Variants in SGCA observed in about 807,000 individuals in gnomAD.
The protein encoded by SGCA is sarcoglycan alpha, also known as alpha-sarcoglycan.
In SGCA, 34 loss-of-function variants were observed where a neutral mutation model predicts 38.1. The ratio of observed to expected loss-of-function variants is 0.89; its 90% CI spans 0.68 to 1.19. SGCA has a LOEUF of 1.19. Among genes scored for constraint, SGCA ranks in the 50% most tolerant of loss-of-function variants. SGCA has a pLI of 0.00. For missense variants in SGCA, 476 were observed against 524.9 expected (o/e 0.91, Z 0.91); for synonymous variants, 209 against 214.6 (o/e 0.97, Z 0.23).
rs569873415 is a variant in SGCA, at chr17:50,170,905, A to AT, written c.983+239_983+240insT. Among the ~76,000 whole-genome samples the AT allele has an allele frequency of 2.3e-4, 35 of 151,996 alleles. No homozygotes were observed. The South Asian group carries it at 4.4e-3, about 19-fold the overall frequency. On this transcript the variant is annotated intron_variant, in intron 8 of 9. Coordinates refer to ENST00000262018, the MANE Select transcript of SGCA (RefSeq NM_000023.4). ...TGAGACCCCATCTCAACAAAAAAAA[A>AT]ATTTTTTAACTAGCCAGGCGTGGTG... is the stretch of plus-strand genomic sequence containing the variant.
rs747404648 is a variant in SGCA, at chr17:50,167,355, G to A, written c.38-13G>A. On this transcript the variant is annotated splice_polypyrimidine_tract_variant and intron_variant, in intron 1 of 9. Coordinates refer to ENST00000262018, the MANE Select transcript of SGCA (RefSeq NM_000023.4). This position sits in a 1 kb window ranked among gnomAD's most constrained non-coding sequence, Gnocchi z 4.5. The stretch of plus-strand genomic sequence containing the variant: ...GCTGGCCTGTGTGTTTGGGACTTGT[G>A]GGGTCCCCACAGTTCTCCTGGCAGG... 1.2e-6 allele frequency: 2 copies of A among 1,614,006 alleles called. No individual in the cohort carries two copies. The highest frequency in any genetic ancestry group is 1.7e-6 in the Non-Finnish European group (2 of 1,179,992).
Position 50,167,947 on chromosome 17 carries a change from G to C in SGCA, c.313G>C (p.Val105Leu). The change falls in exon 4 of 10, where the codon GTC (valine) becomes CTC (leucine). Residue 105 changes from valine to leucine, a missense_variant and splice_region_variant. Val to Leu is a conservative substitution (Grantham distance 32, BLOSUM62 1). Coordinates refer to ENST00000262018, the MANE Select transcript of SGCA (RefSeq NM_000023.4). This position sits in a 1 kb window ranked among gnomAD's most constrained non-coding sequence, Gnocchi z 4.5. ...CTCAGATGTCTTTCCCATCCCCCAGGTCACAGCCTACAATCGGGACAGCTT... is the reference window on the plus strand; with the variant it reads ...CTCAGATGTCTTTCCCATCCCCCAGCTCACAGCCTACAATCGGGACAGCTT... ...PEDRGLQVIE[V>L]TAYNRDSFDT... The C allele has an allele frequency of 1.2e-6, 2 of 1,614,078 alleles. No homozygotes were observed. The highest frequency in any genetic ancestry group is 1.6e-4 in the Middle Eastern group (1 of 6,062).
chr17:50,170,302 C>T lies in SGCA; in HGVS notation c.907C>T (p.Leu303Phe). ...TLLVPLLVAL[L>F]LTLLLAYVMC... ...CCTGGTGCCCCTGCTGGTGGCCCTG[C>T]TTCTCACCTTGCTGCTGGCCTATGT... The change falls in exon 7 of 10, where the codon CTT (leucine) becomes TTT (phenylalanine). Residue 303 changes from leucine to phenylalanine, a missense_variant. Transcript: ENST00000262018. 1.2e-6 allele frequency: 2 copies of T among 1,614,212 alleles called. No individual in the cohort carries two copies. The highest frequency in any genetic ancestry group is 1.7e-6 in the Non-Finnish European group (2 of 1,180,028).
rs1905080179 is a variant in SGCA at position 50,168,097 on chromosome 17, G to C, written c.385+78G>C. The C allele has an allele frequency of 6.6e-6, 9 of 1,372,016 alleles. No individual in the cohort carries two copies. The South Asian group carries it at 1.0e-4, about 16-fold the overall frequency. The allele number at this position is 1,372,016 out of a possible 1,614,324, so 85.0% of individuals were successfully genotyped here. On this transcript the variant is annotated intron_variant, in intron 4 of 9. Transcript: ENST00000262018. ...CTCTCCCGGAGGGGGAGGGGGCTGT[G>C]GACAGGAGAGGCTTGGAGAGGAGTG...
intron 8 of SGCA, among the ~76,000 whole-genome samples, chr17:50,172,617 G>A (rs896510897): frequency 6.6e-5 from 10 of 152,268 alleles, no homozygotes; most frequent in South Asian, 6.2e-4. Flanking sequence ...GAGTAGCTGG[G>A]ACTAAAGCTA....
In SGCA at chr17:50,167,304, G is replaced by A. The variant is rs1476670153; in HGVS notation, c.38-64G>A. 6.2e-7 allele frequency: 1 copy of A among 1,610,440 alleles called. No homozygotes were observed. Among genetic ancestry groups the A allele is most frequent in the Non-Finnish European group, 8.5e-7 (1 of 1,178,306 alleles). On this transcript the variant is annotated intron_variant, in intron 1 of 9. Transcript: ENST00000262018. The surrounding 1 kb of genome is among the most constrained non-coding windows in gnomAD (Gnocchi z 4.5). The stretch of plus-strand genomic sequence containing the variant: ...GGCTCCAAGGACTTGGTGGGGAAGG[G>A]AGCTTATCCCCTGCCCAGGACTGAG...
intron 6 of SGCA, 194 bp downstream of exon 6, chr17:50,169,448 C>CG: frequency 1.7e-6 from 1 of 581,416 alleles, no homozygotes; most frequent in Non-Finnish European, 3.0e-6. Context: ...CACACACACC[C>CG]CTGAAGTTCT....
chr17:50,166,853 C>CT, intron 1 of SGCA, among the ~76,000 whole-genome samples: 1 of 92,632 alleles, frequency 1.1e-5, no homozygotes, highest in African/African-American at 4.4e-5. Flanking sequence ...CACACACACC[C>CT]CCCACACACA....
rs1235150688 is a variant in SGCA at position 50,175,407 on chromosome 17, C to T, written c.1134C>T (p.Ala378=). 7 of 1,613,212 alleles carry T rather than the reference C, an allele frequency of 4.3e-6. No homozygotes were observed. In the South Asian group the frequency reaches 7.7e-5, roughly 18 times the overall value. ...GERLPPRVDS[A]QVPLILDQH is the part of the protein sequence containing the mutation. ...GGCTGCCTCCCCGCGTGGACAGCGC[C>T]CAGGTGCCCCTCATTCTGGACCAGC... The change falls in exon 9 of 10, where the codon GCC becomes GCT. Residue 378 remains alanine (A), a synonymous_variant. Coordinates refer to ENST00000262018, the MANE Select transcript of SGCA (RefSeq NM_000023.4).
At chr17:50,170,417 C>T (rs777298891) in intron 7 of SGCA, 66 bp downstream of exon 7, 25 of 1,496,348 alleles carry the variant, frequency 1.7e-5, no homozygotes, top group African/African-American at 2.8e-5. Context: ...CTCACAGTGG[C>T]ACTTGTGCTG....
At chr17:50,172,675 C>G (rs1321670414) in intron 8 of SGCA, among the ~76,000 whole-genome samples, 1 of 152,192 alleles carries the variant, frequency 6.6e-6, no homozygotes, top group Non-Finnish European at 1.5e-5. Flanking sequence ...TTTGATCCCA[C>G]CATCTTGACC....
At position 50,167,682 on chromosome 17, in the gene SGCA, T is replaced by C; in HGVS notation, c.258T>C (p.Pro86=). The C allele has an allele frequency of 6.2e-7, 1 of 1,613,804 alleles. No homozygotes were observed. Among genetic ancestry groups the C allele is most frequent in the South Asian group, 1.1e-5 (1 of 91,070 alleles). The change falls in exon 3 of 10, where the codon CCT becomes CCC. Residue 86 remains proline (P), a synonymous_variant. Transcript: ENST00000262018. This position sits in a 1 kb window ranked among gnomAD's most constrained non-coding sequence, Gnocchi z 4.5. The part of the protein sequence containing the change: ...LRYTQRSPHH[P]GFLYGSATPE... ...ACACCCAGCGCAGCCCCCACCACCC[T>C]GGCTTCCTCTACGGCTCTGCCACCC...
In SGCA at chr17:50,169,288, G is replaced by A. The variant is rs760590168; in HGVS notation, c.747+34G>A. ...GGACCCTGGGTCCGGGGGTGGGGTG[G>A]GGCATGGCCCCCATCCCAGTCCCCC... On this transcript the variant is annotated intron_variant, in intron 6 of 9. Coordinates refer to ENST00000262018, the MANE Select transcript of SGCA (RefSeq NM_000023.4). 5 of 1,582,988 alleles carry A rather than the reference G, an allele frequency of 3.2e-6. No individual in the cohort carries two copies. In the East Asian group the frequency reaches 9.0e-5, roughly 28 times the overall value.
rs1387869995 is a variant in SGCA at position 50,168,407 on chromosome 17, T to C, written c.419T>C (p.Val140Ala). The C allele has an allele frequency of 6.3e-7, 1 of 1,589,460 alleles. No individual in the cohort carries two copies. Among genetic ancestry groups the C allele is most frequent in the Admixed American group, 1.8e-5 (1 of 56,292 alleles). The change falls in exon 5 of 10, where the codon GTG becomes GCG. Residue 140 changes from valine (V) to alanine (A), a missense_variant. Physicochemically the swap from Val to Ala is moderately conservative, Grantham distance 64. Transcript: ENST00000262018. ...PLLPYQAEFL[V>A]RSHDAEEVLP... ...CTGCCATACCAAGCCGAGTTCCTGG[T>C]GCGCAGCCACGATGCGGAGGAGGTG... is the stretch of plus-strand genomic sequence containing the variant.
At chr17:50,171,090 CAG>C (rs1374483053) in intron 8 of SGCA, among the ~76,000 whole-genome samples, 2 of 152,144 alleles carry the variant, frequency 1.3e-5, no homozygotes, top group Non-Finnish European at 2.9e-5. Context: ...TGTTGTGACA[CAG>C]GGGAATGGGA....
chr17:50,167,852 C>A lies in SGCA; in HGVS notation c.313-95C>A. The A allele has an allele frequency of 6.5e-7, 1 of 1,527,790 alleles. No homozygotes were observed. The highest frequency in any genetic ancestry group is 1.1e-5 in the South Asian group (1 of 89,342). 94.6% of individuals were successfully genotyped at this position (1,527,790 alleles called of 1,614,324 possible). On this transcript the variant is annotated intron_variant, in intron 3 of 9. Coordinates refer to ENST00000262018, the MANE Select transcript of SGCA (RefSeq NM_000023.4). This position sits in a 1 kb window ranked among gnomAD's most constrained non-coding sequence, Gnocchi z 4.5. ...CAGTCATTTACATATAATTTACATA[C>A]CTCTAATTTGGTATCTGAGTCCTCT...
At position 50,166,097 on chromosome 17, in the gene SGCA, A is replaced by G. The variant is rs749454797; in HGVS notation, c.37+20A>G. ...TCGTGGGCAAGTTGGGGCCTTGTTC[A>G]GCGGGGAGGCCCAGGATGAGGGGGC... On this transcript the variant is annotated intron_variant, in intron 1 of 9. Coordinates refer to ENST00000262018, the MANE Select transcript of SGCA (RefSeq NM_000023.4). 2 of 1,606,478 alleles carry G rather than the reference A, an allele frequency of 1.2e-6. No individual in the cohort carries two copies. Among genetic ancestry groups the G allele is most frequent in the East Asian group, 4.5e-5 (2 of 44,838 alleles).
rs750297310 is a variant in SGCA at position 50,168,456 on chromosome 17, C to T, written c.468C>T (p.Arg156=). ...TGCTGCCCTCAACACCTGCCAGCCG[C>T]TTCCTCTCAGCCTTGGGGGGACTCT... ...EEVLPSTPAS[R]FLSALGGLWE... Residue 156 remains arginine, a synonymous_variant, in exon 5 of 10, where the codon CGC becomes CGT. Transcript: ENST00000262018. The T allele has an allele frequency of 6.3e-7, 1 of 1,587,328 alleles. No homozygotes were observed. Among genetic ancestry groups the T allele is most frequent in the Non-Finnish European group, 8.6e-7 (1 of 1,166,564 alleles).
chr17:50,168,486 G>A lies in SGCA; in HGVS notation c.498G>A (p.Glu166=), dbSNP rs1598267318. ...RFLSALGGLW[E]PGELQLLNVT... ...TCTCAGCCTTGGGGGGACTCTGGGA[G>A]CCCGGAGAGCTTCAGCTGCTCAACG... Residue 166 remains glutamate, a synonymous_variant, in exon 5 of 10, where the codon GAG becomes GAA. Transcript: ENST00000262018. The A allele has an allele frequency of 6.3e-7, 1 of 1,579,838 alleles. No individual in the cohort carries two copies. The highest frequency in any genetic ancestry group is 1.2e-5 in the South Asian group (1 of 86,180).
Sources: allele counts gnomAD v4.1 joint callset (sites outside exome capture counted in the v4.1 genomes callset), GRCh38; gene constraint gnomAD v4.1.1; non-coding constraint Gnocchi (gnomAD v3.1); transcripts MANE v1.5; gene names NCBI Gene and HGNC (gene_info 2026-07-23, HGNC 2026-07-21).